Variants in DOK6 observed in about 807,000 individuals in gnomAD.
DOK6 encodes the protein downstream of tyrosine kinase 6.
Under a neutral mutation model 44.0 loss-of-function variants are expected in DOK6, and 22 were observed. That is an observed-to-expected ratio of 0.50 (90% CI 0.36 to 0.71). The LOEUF (loss-of-function observed/expected upper bound fraction) is 0.71. Ranked by LOEUF, DOK6 falls within the 30% of genes least tolerant of loss-of-function variation. DOK6 has a pLI of 0.00. For synonymous variants in DOK6, 166 were observed against 145.5 expected, an observed-to-expected ratio of 1.14 and a Z score of -1.01; for missense variants, 340 against 416.4, an observed-to-expected ratio of 0.82 and a Z score of 1.60.
At chr18:69,567,053 T>G (rs2144600100) in intron 2 of DOK6, among the ~76,000 whole-genome samples, 1 of 152,322 alleles carries the variant, frequency 6.6e-6, no homozygotes, top group East Asian at 1.9e-4. Context: ...ATCACTTAGC[T>G]TCCACTGTGA....
intron 1 of DOK6, among the ~76,000 whole-genome samples, chr18:69,466,295 C>T (rs1979925657): frequency 6.6e-6 from 1 of 152,164 alleles, no homozygotes; most frequent in Non-Finnish European, 1.5e-5. Context: ...CCTTATTTCA[C>T]TTAACATGTT....
At chr18:69,605,127 T>TGTGTGTGTGTGTGTGTGTG (rs1983967051) in intron 3 of DOK6, among the ~76,000 whole-genome samples, 1 of 149,652 alleles carries the variant, frequency 6.7e-6, no homozygotes, top group African/African-American at 2.5e-5. Context: ...TGTGTGTGTG[T>TGTGTGTGTGTGTGTGTGTG]TTCAGAATCA....
At chr18:69,432,233 A>G (rs1003657265) in intron 1 of DOK6, among the ~76,000 whole-genome samples, 12 of 152,182 alleles carry the variant, frequency 7.9e-5, no homozygotes, top group African/African-American at 2.7e-4. Context: ...ACTTGAGCCC[A>G]TGAGTTTGAG....
chr18:69,653,363 G>A (rs1368735032), intron 3 of DOK6, among the ~76,000 whole-genome samples: 2 of 151,924 alleles, frequency 1.3e-5, no homozygotes, highest in African/African-American at 2.4e-5. Flanking sequence ...CCAGGACTTG[G>A]GGAGCTGAGG....
intron 1 of DOK6, among the ~76,000 whole-genome samples, chr18:69,501,146 CA>C (rs978624432): frequency 1.1e-4 from 17 of 151,924 alleles, no homozygotes; most frequent in African/African-American, 4.1e-4. Flanking sequence ...TATTTTCTAC[CA>C]AAAGAAAGTA....
chr18:69,640,673 C>T (rs181218723), intron 3 of DOK6, among the ~76,000 whole-genome samples: 4 of 152,156 alleles, frequency 2.6e-5, no homozygotes, highest in South Asian at 2.1e-4. Context: ...TGTTTTTGTA[C>T]GATCATGATC....
chr18:69,831,008 A>G (rs754729618), intron 7 of DOK6: 2 of 152,196 alleles, frequency 1.3e-5, no homozygotes, highest in Non-Finnish European at 2.9e-5. Context: ...CCAGTAGGAT[A>G]CATATAGATA....
At chr18:69,611,719 C>T (rs1402686009) in intron 3 of DOK6, among the ~76,000 whole-genome samples, 6 of 152,122 alleles carry the variant, frequency 3.9e-5, no homozygotes, top group Non-Finnish European at 7.4e-5. Context: ...GAAAGCACAT[C>T]CCAAAAGGTT....
intron 6 of DOK6, among the ~76,000 whole-genome samples, chr18:69,753,933 C>G (rs1470014486): frequency 6.6e-6 from 1 of 151,872 alleles, no homozygotes; most frequent in Non-Finnish European, 1.5e-5. Flanking sequence ...TCTTAAAATA[C>G]ATTGTTTAGA....
chr18:69,727,264 G>C (rs1978314416), intron 5 of DOK6, among the ~76,000 whole-genome samples: 1 of 152,146 alleles, frequency 6.6e-6, no homozygotes, highest in South Asian at 2.1e-4. Context: ...ACCAAGAATA[G>C]GGTTTCAACA....
chr18:69,690,895 A>C lies in DOK6; in HGVS notation c.410-7509A>C, dbSNP rs191155091. Among the ~76,000 whole-genome samples, 635 of 152,288 alleles carry C rather than the reference A, an allele frequency of 4.2e-3. 5 individuals are homozygous for C. The highest frequency in any genetic ancestry group is 0.015 in the African/African-American group (610 of 41,556). ...TGTAAAAAGTGTTAAAGAATATAGA[A>C]TTGGGCTGGGCATGGTGGCTCACAC... On this transcript the variant is annotated intron_variant, in intron 4 of 7. Coordinates refer to ENST00000382713, the MANE Select transcript of DOK6 (RefSeq NM_152721.6).
chr18:69,646,439 C>G (rs1407387679), intron 3 of DOK6, among the ~76,000 whole-genome samples: 2 of 151,998 alleles, frequency 1.3e-5, no homozygotes, highest in Admixed American at 1.3e-4. Context: ...AAAAAATTAC[C>G]AGTTATTATG....
chr18:69,750,438 C>T (rs959593588), intron 6 of DOK6, among the ~76,000 whole-genome samples: 9 of 151,950 alleles, frequency 5.9e-5, no homozygotes, highest in African/African-American at 2.2e-4. Flanking sequence ...AGACATTTTT[C>T]AAAAGACATA....
chr18:69,550,367 G>GA (rs943279674), intron 1 of DOK6, among the ~76,000 whole-genome samples: 5 of 151,316 alleles, frequency 3.3e-5, no homozygotes, highest in African/African-American at 7.3e-5. Flanking sequence ...GCACCCATGG[G>GA]AAAAAAAATA....
intron 1 of DOK6, among the ~76,000 whole-genome samples, chr18:69,553,723 A>T (rs1164561247): frequency 6.6e-6 from 1 of 152,192 alleles, no homozygotes; most frequent in African/African-American, 2.4e-5. Context: ...AACCACTTAC[A>T]TACTCACTCC....
At chr18:69,766,681 A>G (rs1979726608) in intron 7 of DOK6, among the ~76,000 whole-genome samples, 1 of 152,118 alleles carries the variant, frequency 6.6e-6, no homozygotes, top group African/African-American at 2.4e-5. Context: ...AGGAGGAGGA[A>G]GAGGAGAGGC....
In DOK6 at chr18:69,442,223, T is replaced by G. The variant is rs563806126; in HGVS notation, c.66+40913T>G. On this transcript the variant is annotated intron_variant, in intron 1 of 7. Transcript: ENST00000382713. Reference sequence around the variant, plus strand: ...CAGTATTTGAAAGCATATTTTATGTTCTTTTTATTTTTAAAGATCTTCAAA... The same window carrying G: ...CAGTATTTGAAAGCATATTTTATGTGCTTTTTATTTTTAAAGATCTTCAAA... Among the ~76,000 whole-genome samples the G allele has an allele frequency of 2.0e-5, 3 of 152,314 alleles. No individual in the cohort carries two copies. The South Asian group carries it at 6.2e-4, about 32-fold the overall frequency.
intron 7 of DOK6, among the ~76,000 whole-genome samples, chr18:69,829,554 T>C (rs759770130): frequency 2.0e-5 from 3 of 152,112 alleles, no homozygotes; most frequent in South Asian, 4.1e-4. Context: ...CTATTAACCA[T>C]TACACAATAT....
At chr18:69,409,512 C>T (rs1458076508) in intron 1 of DOK6, among the ~76,000 whole-genome samples, 1 of 152,150 alleles carries the variant, frequency 6.6e-6, no homozygotes, top group Non-Finnish European at 1.5e-5. Context: ...CATTACTACC[C>T]ATACACATGG....
Sources: allele counts gnomAD v4.1 joint callset (sites outside exome capture counted in the v4.1 genomes callset), GRCh38; gene constraint gnomAD v4.1.1; transcripts MANE v1.5; gene names NCBI Gene and HGNC (gene_info 2026-07-23, HGNC 2026-07-21).